Variants in FOXP2 observed in about 807,000 individuals in gnomAD.
FOXP2 encodes forkhead box protein P2.
Under a neutral mutation model 115.8 loss-of-function variants are expected in FOXP2, and 12 were observed. The ratio of observed to expected loss-of-function variants is 0.10; its 90% CI spans 0.07 to 0.17. The LOEUF (loss-of-function observed/expected upper bound fraction) is 0.17, where lower values mean the gene tolerates loss of function less well. Among genes scored for constraint, FOXP2 ranks in the 10% least tolerant of loss-of-function variants. The pLI, the probability that FOXP2 is intolerant of heterozygous loss-of-function variation, is 1.00. For synonymous variants in FOXP2, 328 were observed against 297.7 expected (o/e 1.10, Z -1.05); for missense variants, 629 against 843.5 (o/e 0.75, Z 3.15).
At chr7:114,552,572 A>C (rs1394891766) in intron 3 of FOXP2, among the ~76,000 whole-genome samples, 1 of 152,208 alleles carries the variant, frequency 6.6e-6, no homozygotes, top group Non-Finnish European at 1.5e-5. Flanking sequence ...AAACAAGAAG[A>C]AGCAAGATTA....
intron 2 of FOXP2, among the ~76,000 whole-genome samples, chr7:114,360,238 A>G (rs957983440): frequency 8.5e-5 from 13 of 152,128 alleles, no homozygotes; most frequent in African/African-American, 3.1e-4. Context: ...GCCTTCCACC[A>G]TGATTGTGAG....
chr7:114,168,874 A>C lies in FOXP2; in HGVS notation c.-102+5786A>C, dbSNP rs893067914. Among the ~76,000 whole-genome samples the C allele has an allele frequency of 2.0e-5, 3 of 152,138 alleles. No homozygotes were observed. The South Asian group carries it at 6.2e-4, about 32-fold the overall frequency. ...GGACTTGATGCCCTGCATCCCAGCC[A>C]CTCCAGCCATAGCTGAAAGGGACAA... On this transcript the variant is annotated intron_variant, in intron 1 of 17. Transcript: ENST00000634411.
At chr7:114,096,191 G>A (rs554278540) in intron 1 of FOXP2, among the ~76,000 whole-genome samples, 43 of 152,116 alleles carry the variant, frequency 2.8e-4, no homozygotes, top group Non-Finnish European at 5.4e-4. Flanking sequence ...GGAAAGCCGG[G>A]GATAATAATT....
chr7:114,308,515 G>A (rs1357383037), intron 2 of FOXP2, among the ~76,000 whole-genome samples: 1 of 152,132 alleles, frequency 6.6e-6, no homozygotes, highest in Non-Finnish European at 1.5e-5. Flanking sequence ...GATGGTCAAA[G>A]GCGATAAACC....
At position 114,690,739 on chromosome 7, in the gene FOXP2, C is replaced by T. The variant is rs745543874; in HGVS notation, c.*813C>T. On this transcript the variant is annotated 3_prime_UTR_variant, in exon 17 of 17. Transcript: ENST00000350908. ...TACCTGCAAACACAGTCAAAGGCTA[C>T]AGCTGCAAACCAAAGCCAACTCTAA... 2.2e-6 allele frequency: 1 copy of T among 454,508 alleles called. No homozygotes were observed. 28.2% of individuals were successfully genotyped at this position (454,508 alleles called of 1,614,324 possible). A position where few individuals can be genotyped will look rare whatever the true frequency, so the allele number is the denominator to read the frequency against.
chr7:114,395,525 T>C (rs1292689979), intron 2 of FOXP2, among the ~76,000 whole-genome samples: 1 of 152,138 alleles, frequency 6.6e-6, no homozygotes, highest in Non-Finnish European at 1.5e-5. Context: ...GAGATCTGAA[T>C]TTCACTTTTT....
rs566252725 is a variant in FOXP2 at position 114,533,258 on chromosome 7, C to A, written c.169-1359C>A. 2.0e-5 allele frequency among the ~76,000 whole-genome samples: 3 copies of A among 152,004 alleles called. No homozygotes were observed. The South Asian group carries it at 6.2e-4, about 32-fold the overall frequency. ...GCATTCAGTTTGTTTACTTTGGTTT[C>A]TATGTCTGCCTGCCTTCTCAGAAAA... is the stretch of plus-strand genomic sequence containing the variant. On this transcript the variant is annotated intron_variant, in intron 2 of 16. Transcript: ENST00000350908.
intron 1 of FOXP2, among the ~76,000 whole-genome samples, chr7:114,208,274 T>A (rs1313699210): frequency 1.3e-5 from 2 of 152,220 alleles, no homozygotes; most frequent in Admixed American, 6.5e-5. Context: ...GCTTTCAGAT[T>A]TGACTGCCCT....
intron 3 of FOXP2, among the ~76,000 whole-genome samples, chr7:114,617,362 TATCCC>T (rs950842602): frequency 6.6e-5 from 10 of 152,216 alleles, no homozygotes; most frequent in Non-Finnish European, 1.3e-4. Flanking sequence ...CCTTCCTCTC[TATCCC>T]ATTCAAGTAA....
chr7:114,568,367 G>A (rs1422814418), intron 3 of FOXP2, among the ~76,000 whole-genome samples: 1 of 150,522 alleles, frequency 6.6e-6, no homozygotes, highest in Non-Finnish European at 1.5e-5. Flanking sequence ...TATATACTGT[G>A]TACCAATCCA....
At chr7:114,164,295 T>G (rs548484366) in intron 1 of FOXP2, among the ~76,000 whole-genome samples, 8 of 152,146 alleles carry the variant, frequency 5.3e-5, no homozygotes, top group South Asian at 2.1e-4. Context: ...AAAACTTTTT[T>G]TTTGTTTGTT....
chr7:114,520,382 A>G (rs1425435197), intron 2 of FOXP2, among the ~76,000 whole-genome samples: 1 of 152,154 alleles, frequency 6.6e-6, no homozygotes, highest in African/African-American at 2.4e-5. Flanking sequence ...GATGTATGTC[A>G]TATAGTATGT....
At chr7:114,161,994 G>A (rs528447509), upstream of FOXP2, among the ~76,000 whole-genome samples, 1 of 152,176 alleles carries the variant, frequency 6.6e-6, no homozygotes, top group African/African-American at 2.4e-5. Context: ...TGTTGGCCAG[G>A]ATGGTCGTGA....
intron 2 of FOXP2, among the ~76,000 whole-genome samples, chr7:114,478,499 A>G (rs186222153): frequency 6.6e-6 from 1 of 151,866 alleles, no homozygotes; most frequent in Non-Finnish European, 1.5e-5. Flanking sequence ...TTCTTTTCTT[A>G]TACTTTTCCT....
chr7:114,567,547 T>A (rs1801086069), intron 3 of FOXP2, among the ~76,000 whole-genome samples: 1 of 152,150 alleles, frequency 6.6e-6, no homozygotes, highest in African/African-American at 2.4e-5. Flanking sequence ...ATGTTGAAAG[T>A]CCATTCCAGT....
chr7:114,431,279 G>A (rs1794097071), intron 2 of FOXP2, among the ~76,000 whole-genome samples: 1 of 151,872 alleles, frequency 6.6e-6, no homozygotes, highest in Non-Finnish European at 1.5e-5. Flanking sequence ...CAATTCCAGG[G>A]ATGGGGCGCC....
intron 8 of FOXP2, among the ~76,000 whole-genome samples, chr7:114,646,059 C>CAAA (rs1563056853): frequency 5.8e-4 from 4 of 6,874 alleles, no homozygotes; most frequent in African/African-American, 6.1e-4. Context: ...GTTTTCTTCT[C>CAAA]TAAAAAAAAA....
intron 2 of FOXP2, among the ~76,000 whole-genome samples, chr7:114,291,667 T>C (rs1379618129): frequency 6.6e-6 from 1 of 151,410 alleles, no homozygotes; most frequent in African/African-American, 2.4e-5. Context: ...GGTTTTTGGC[T>C]GAATTCAGTC....
chr7:114,256,171 TG>T (rs1795607000), intron 1 of FOXP2, among the ~76,000 whole-genome samples: 1 of 152,132 alleles, frequency 6.6e-6, no homozygotes. Flanking sequence ...GGCACAATCT[TG>T]GCTCACTGCA....
Sources: gnomAD v4.1 joint callset for allele counts (sites outside exome capture counted in the v4.1 genomes callset) on GRCh38, gnomAD v4.1.1 for gene constraint, MANE v1.5 for transcripts, NCBI Gene and HGNC (gene_info 2026-07-23, HGNC 2026-07-21) for gene names.